Variants in ABCC5 observed in about 807,000 individuals in gnomAD.
ABCC5 encodes the protein ATP-binding cassette sub-family C member 5.
ABCC5 carries 61 observed loss-of-function variants against 160.9 expected under a neutral mutation model. The ratio of observed to expected loss-of-function variants is 0.38; its 90% CI spans 0.31 to 0.47. ABCC5 has a LOEUF of 0.47. Ranked by LOEUF, ABCC5 falls within the 20% of genes least tolerant of loss-of-function variation. The pLI is 0.99. For missense variants in ABCC5, 1,308 were observed against 1,813.3 expected (o/e 0.72, Z 5.06); for synonymous variants, 666 against 700.6 (o/e 0.95, Z 0.78).
rs1185669809 is a variant in ABCC5 at position 183,920,177 on chromosome 3, A to G, written c.*1123T>C. Reference sequence around the variant, plus strand: ...CTGAGGTAGGTCTCTTTACAGTACAAAAACTTCTACGCCAGTGTGAGACAC... The same window carrying G: ...CTGAGGTAGGTCTCTTTACAGTACAGAAACTTCTACGCCAGTGTGAGACAC... On this transcript the variant is annotated 3_prime_UTR_variant, in exon 30 of 30. Coordinates refer to ENST00000334444, the MANE Select transcript of ABCC5 (RefSeq NM_005688.4). The surrounding 1 kb of genome is among the most constrained non-coding windows in gnomAD (Gnocchi z 4.1). 6.5e-6 allele frequency: 1 copy of G among 152,684 alleles called. No individual in the cohort carries two copies. Among genetic ancestry groups the G allele is most frequent in the Non-Finnish European group, 1.5e-5 (1 of 68,076 alleles). 9.5% of individuals were successfully genotyped at this position (152,684 alleles called of 1,614,324 possible). A position where few individuals can be genotyped will look rare whatever the true frequency, so the allele number is the denominator to read the frequency against.
chr3:183,932,319 A>G (rs1713254703), intron 26 of ABCC5, among the ~76,000 whole-genome samples: 1 of 152,190 alleles, frequency 6.6e-6, no homozygotes. Flanking sequence ...TAAGAGGAAA[A>G]AGTAGAGCAA....
chr3:183,937,048 A>G (rs1227538339), intron 26 of ABCC5, among the ~76,000 whole-genome samples: 1 of 152,186 alleles, frequency 6.6e-6, no homozygotes. Flanking sequence ...ATGAAATAAC[A>G]TGAGTAGTAA....
intron 2 of ABCC5, among the ~76,000 whole-genome samples, chr3:183,995,646 T>C (rs149490662): frequency 6.6e-6 from 1 of 152,204 alleles, no homozygotes; most frequent in Non-Finnish European, 1.5e-5. Flanking sequence ...TGTCTACCCC[T>C]ACATTGATAC....
At chr3:183,942,252 TG>T (rs1714434707) in intron 25 of ABCC5, among the ~76,000 whole-genome samples, 1 of 152,126 alleles carries the variant, frequency 6.6e-6, no homozygotes, top group African/African-American at 2.4e-5. Flanking sequence ...TTGTTCTGGC[TG>T]GTGTTGAACT....
intron 2 of ABCC5, among the ~76,000 whole-genome samples, chr3:183,992,742 T>C (rs1056524422): frequency 4.6e-5 from 7 of 151,494 alleles, no homozygotes; most frequent in East Asian, 1.9e-4. Flanking sequence ...TGAGCCAAGA[T>C]AGCGCCACTG....
chr3:183,981,928 T>G (rs577947191), intron 7 of ABCC5, 54 bp from the exon 8 acceptor site: 8 of 1,557,490 alleles, frequency 5.1e-6, no homozygotes, highest in Non-Finnish European at 6.9e-6. Context: ...ACTTGAGAAC[T>G]ACCTAATCTG....
At chr3:184,014,198 T>C (rs1220812281) in intron 2 of ABCC5, 66 bp downstream of exon 2, 3 of 1,486,692 alleles carry the variant, frequency 2.0e-6, no homozygotes, top group Admixed American at 3.8e-5. Flanking sequence ...AAATTACCCA[T>C]TATACGAAAA....
intron 25 of ABCC5, among the ~76,000 whole-genome samples, chr3:183,942,238 C>T (rs1714433178): frequency 6.6e-6 from 1 of 152,028 alleles, no homozygotes. Context: ...GGGGTTTCAC[C>T]ATGTTGTTCT....
At chr3:183,991,461 G>A (rs1042334604) in intron 2 of ABCC5, among the ~76,000 whole-genome samples, 10 of 152,156 alleles carry the variant, frequency 6.6e-5, no homozygotes, top group Admixed American at 2.6e-4. Context: ...AAAGAACAGC[G>A]GGAACTTAAA....
At chr3:183,955,679 T>A (rs13323064) in intron 17 of ABCC5, among the ~76,000 whole-genome samples, 20,289 of 135,068 alleles carry the variant, frequency 0.15, 1,874 homozygotes, top group East Asian at 0.35. Flanking sequence ...TCTGTGTATA[T>A]ATCACATCGG....
chr3:183,941,049 G>A (rs1396827152), intron 25 of ABCC5, among the ~76,000 whole-genome samples: 3 of 152,116 alleles, frequency 2.0e-5, no homozygotes, highest in African/African-American at 7.2e-5. Context: ...TAGTAGAGAT[G>A]AGGTTTCACC....
chr3:184,009,538 A>C (rs180807413), intron 2 of ABCC5, among the ~76,000 whole-genome samples: 154 of 152,372 alleles, frequency 1.0e-3, no homozygotes, highest in African/African-American at 3.6e-3. Flanking sequence ...ATTTCTTGTC[A>C]TCTTGCTGGT....
intron 2 of ABCC5, among the ~76,000 whole-genome samples, chr3:184,004,415 G>T (rs375616629): frequency 6.6e-6 from 1 of 151,002 alleles, no homozygotes; most frequent in East Asian, 1.9e-4. Context: ...GAGACTGAGG[G>T]CAGGAGAATT....
intron 26 of ABCC5, among the ~76,000 whole-genome samples, chr3:183,930,035 G>A (rs532370084): frequency 5.2e-4 from 63 of 120,642 alleles, no homozygotes; most frequent in African/African-American, 1.9e-3. Flanking sequence ...AATTTTGGAC[G>A]GCTTGTCTTG....
chr3:184,009,838 AAAACAGTACTC>A, intron 2 of ABCC5: 1 of 273,082 alleles, frequency 3.7e-6, no homozygotes, highest in Non-Finnish European at 7.5e-6. Context: ...AAAAATCAGG[AAAACAGTACTC>A]AAATTTCAAA....
At chr3:183,922,700 G>A (rs547652417) in intron 29 of ABCC5, among the ~76,000 whole-genome samples, 22 of 152,238 alleles carry the variant, frequency 1.4e-4, no homozygotes, top group African/African-American at 4.8e-4. Flanking sequence ...TTTCTCAGCC[G>A]CCCCCGCCAC....
intron 29 of ABCC5, among the ~76,000 whole-genome samples, chr3:183,922,320 A>G (rs1712080686): frequency 1.3e-5 from 2 of 152,220 alleles, no homozygotes. Context: ...TGTGGTGAGC[A>G]GAGATCGTGC....
intron 22 of ABCC5, among the ~76,000 whole-genome samples, chr3:183,948,333 T>G (rs1168728163): frequency 6.7e-6 from 1 of 149,528 alleles, no homozygotes. Flanking sequence ...GAGTTGATAT[T>G]CCGCTGCATT....
intron 28 of ABCC5, among the ~76,000 whole-genome samples, chr3:183,926,006 T>A (rs1425507556): frequency 6.6e-6 from 1 of 150,790 alleles, no homozygotes; most frequent in Non-Finnish European, 1.5e-5. Flanking sequence ...GCCCAGCTAA[T>A]TTTTTGTATT....
Sources: allele counts gnomAD v4.1 joint callset (sites outside exome capture counted in the v4.1 genomes callset), GRCh38; gene constraint gnomAD v4.1.1; non-coding constraint Gnocchi (gnomAD v3.1); transcripts MANE v1.5; gene names NCBI Gene and HGNC (gene_info 2026-07-23, HGNC 2026-07-21).